Variants in KIF11 observed in about 807,000 individuals in gnomAD.
KIF11 encodes kinesin family member 11, also known as kinesin-like protein KIF11.
In KIF11, 9 loss-of-function variants were observed where a neutral mutation model predicts 121.0. The ratio of observed to expected loss-of-function variants is 0.07; its 90% CI spans 0.04 to 0.13. The LOEUF (loss-of-function observed/expected upper bound fraction) is 0.13, where lower values mean the gene tolerates loss of function less well. Ranked by LOEUF, KIF11 falls within the 10% of genes least tolerant of loss-of-function variation. The pLI, the probability that KIF11 is intolerant of heterozygous loss-of-function variation, is 1.00. For missense variants in KIF11, 846 were observed against 1,217.5 expected, an observed-to-expected ratio of 0.69 and a Z score of 4.54; for synonymous variants, 408 against 421.0, an observed-to-expected ratio of 0.97 and a Z score of 0.38.
intron 9 of KIF11, among the ~76,000 whole-genome samples, chr10:92,617,590 A>G (rs1844570970): frequency 6.6e-6 from 1 of 152,142 alleles, no homozygotes; most frequent in Non-Finnish European, 1.5e-5. Flanking sequence ...AAACTTTTCC[A>G]TGTAGCTGTA....
intron 16 of KIF11, among the ~76,000 whole-genome samples, chr10:92,638,234 C>A (rs1351605431): frequency 6.6e-6 from 1 of 152,084 alleles, no homozygotes; most frequent in Non-Finnish European, 1.5e-5. Context: ...TTGAGCAATT[C>A]ACTGTGTTTA....
chr10:92,609,102 A>G lies in KIF11; in HGVS notation c.470A>G (p.Lys157Arg), dbSNP rs746284906. 3.1e-6 allele frequency: 5 copies of G among 1,607,178 alleles called. No homozygotes were observed. In the South Asian group the frequency reaches 5.5e-5, roughly 18 times the overall value. ...GATAATGGTACTGAATTTTCAGTCA[A>G]AGTGTCTCTGTTGGAGATCTATAAT... The part of the protein sequence containing the change: ...LTDNGTEFSV[K>R]VSLLEIYNEE... Residue 157 changes from lysine (K) to arginine (R), a missense_variant, in exon 5 of 22, where the codon AAA becomes AGA. Physicochemically the swap from Lys to Arg is conservative, Grantham distance 26 (BLOSUM62 2). Transcript: ENST00000260731.
intron 21 of KIF11, among the ~76,000 whole-genome samples, chr10:92,653,370 A>C (rs1845008779): frequency 6.6e-6 from 1 of 152,238 alleles, no homozygotes; most frequent in Non-Finnish European, 1.5e-5. Flanking sequence ...CTGTGGCAGC[A>C]GAATCACTCC....
chr10:92,597,051 G>T (rs1844304628), intron 1 of KIF11: 2 of 386,674 alleles, frequency 5.2e-6, no homozygotes, highest in South Asian at 4.6e-5. Context: ...AAAGTTTCCA[G>T]TATCTGAGAA....
chr10:92,650,352 T>A, intron 20 of KIF11, 49 bp from the exon 21 acceptor site: 2 of 1,052,452 alleles, frequency 1.9e-6, no homozygotes, highest in Non-Finnish European at 3.0e-6. Context: ...ACTCTTGTGA[T>A]GACTTTTAAG....
chr10:92,599,629 G>A (rs550036730), intron 1 of KIF11, among the ~76,000 whole-genome samples: 1 of 147,682 alleles, frequency 6.8e-6, no homozygotes, highest in Non-Finnish European at 1.5e-5. Context: ...GTTTTTTTTT[G>A]TGTGTGTGTA....
In KIF11 at chr10:92,651,523, T is replaced by A. The variant is rs1186625070; in HGVS notation, c.3039+1006T>A. Among the ~76,000 whole-genome samples, 147 of 76,776 alleles carry A rather than the reference T, an allele frequency of 1.9e-3. 9 individuals are homozygous for A. Among genetic ancestry groups the A allele is most frequent in the African/African-American group, 3.4e-3 (36 of 10,590 alleles). The allele number at this position is 76,776 out of a possible 152,430, so 50.4% of individuals were successfully genotyped here. A position where few individuals can be genotyped will look rare whatever the true frequency, so the allele number is the denominator to read the frequency against. ...GCTAATTTTGTTTTTTTTTTTTTTT[T>A]TTTTTTTTTTTTTTTTTTTTTTTTT... is the stretch of plus-strand genomic sequence containing the variant. On this transcript the variant is annotated intron_variant, in intron 21 of 21. Transcript: ENST00000260731.
At chr10:92,634,975 T>C (rs573947109) in intron 14 of KIF11, among the ~76,000 whole-genome samples, 16 of 152,352 alleles carry the variant, frequency 1.1e-4, no homozygotes, top group African/African-American at 3.8e-4. Context: ...ATAAATCTTT[T>C]CTCCAGAGTT....
intron 19 of KIF11, among the ~76,000 whole-genome samples, chr10:92,649,428 T>G (rs536633832): frequency 6.6e-6 from 1 of 152,202 alleles, no homozygotes; most frequent in Non-Finnish European, 1.5e-5. Context: ...AGTATATGTA[T>G]ATAACTAGTT....
chr10:92,613,087 C>T lies in KIF11; in HGVS notation c.746C>T (p.Thr249Met), dbSNP rs374727361. Residue 249 changes from threonine to methionine, a missense_variant, in exon 7 of 22, where the codon ACG (threonine) becomes ATG (methionine). Physicochemically the swap from Thr to Met is moderately conservative, Grantham distance 81. Around this residue, in one of 5 missense-constraint regions of KIF11, gnomAD observed 116 missense variants for 285.3 expected, o/e 0.41. Coordinates refer to ENST00000260731, the MANE Select transcript of KIF11 (RefSeq NM_004523.4). This position sits in a 1 kb window ranked among gnomAD's most constrained non-coding sequence, Gnocchi z 4.2. ...FSVTIHMKET[T>M]IDGEELVKIG... ...GTTACAATACATATGAAAGAAACTA[C>T]GATTGATGGAGAAGAGCTTGTTAAA... 8.7e-6 allele frequency: 14 copies of T among 1,612,044 alleles called. No homozygotes were observed. In the African/African-American group the frequency reaches 1.2e-4, roughly 14 times the overall value.
In KIF11 at chr10:92,593,324, C is replaced by G. The variant is rs1387204536; in HGVS notation, c.-52C>G. 1 of 1,559,738 alleles carries G rather than the reference C, an allele frequency of 6.4e-7. No homozygotes were observed. Among genetic ancestry groups the G allele is most frequent in the Non-Finnish European group, 8.7e-7 (1 of 1,149,948 alleles). Reference sequence around the variant, plus strand: ...TGTCGGCCGCCAAGCCCCTCCGCCCCTCACAGCGCCCAGGTCCGCGGCCGG... The same window carrying G: ...TGTCGGCCGCCAAGCCCCTCCGCCCGTCACAGCGCCCAGGTCCGCGGCCGG... On this transcript the variant is annotated 5_prime_UTR_variant, in exon 1 of 22. Coordinates refer to ENST00000260731, the MANE Select transcript of KIF11 (RefSeq NM_004523.4).
intron 18 of KIF11, among the ~76,000 whole-genome samples, chr10:92,647,681 C>T (rs1844934671): frequency 6.6e-6 from 1 of 152,106 alleles, no homozygotes; most frequent in Admixed American, 6.6e-5. Context: ...TCAAAATAAT[C>T]CTGGGTTTAT....
chr10:92,649,161 T>C (rs959854244), intron 19 of KIF11, among the ~76,000 whole-genome samples: 1 of 151,852 alleles, frequency 6.6e-6, no homozygotes, highest in East Asian at 1.9e-4. Flanking sequence ...TAAAAGGGGA[T>C]GGTGCTACAT....
At chr10:92,637,592 A>T (rs777656219) in intron 16 of KIF11, 47 bp downstream of exon 16, 9 of 1,522,560 alleles carry the variant, frequency 5.9e-6, no homozygotes, top group Non-Finnish European at 8.0e-6. Context: ...GAGTTTTAGG[A>T]TGATTTGATA....
intron 17 of KIF11, among the ~76,000 whole-genome samples, chr10:92,640,838 C>G (rs1288191162): frequency 3.9e-5 from 6 of 152,028 alleles, no homozygotes; most frequent in Admixed American, 3.9e-4. Flanking sequence ...CCTCTGCCTC[C>G]TGAGTTCAAG....
chr10:92,652,529 T>C (rs1048570723), intron 21 of KIF11, among the ~76,000 whole-genome samples: 7 of 152,210 alleles, frequency 4.6e-5, no homozygotes, highest in African/African-American at 1.7e-4. Context: ...AAGTTCCAAC[T>C]CAGATTCTCA....
intron 10 of KIF11, among the ~76,000 whole-genome samples, chr10:92,622,570 G>A (rs1409358475): frequency 6.6e-6 from 1 of 151,980 alleles, no homozygotes; most frequent in Non-Finnish European, 1.5e-5. Context: ...AGCTGAGATA[G>A]CAGCATTGCA....
At chr10:92,612,095 A>G (rs1844503515) in intron 6 of KIF11, among the ~76,000 whole-genome samples, 1 of 151,016 alleles carries the variant, frequency 6.6e-6, no homozygotes, top group South Asian at 2.1e-4. Flanking sequence ...AAAGCACAGT[A>G]TTTGTTTTGT....
intron 6 of KIF11, among the ~76,000 whole-genome samples, chr10:92,610,487 A>G (rs943978256): frequency 3.9e-5 from 6 of 152,248 alleles, no homozygotes; most frequent in Non-Finnish European, 8.8e-5. Flanking sequence ...AGACCCGTAC[A>G]GGACAAATTC....
Sources: allele counts gnomAD v4.1 joint callset (sites outside exome capture counted in the v4.1 genomes callset), GRCh38; gene constraint gnomAD v4.1.1; regional missense constraint gnomAD v4.1.1; non-coding constraint Gnocchi (gnomAD v3.1); transcripts MANE v1.5; gene names NCBI Gene and HGNC (gene_info 2026-07-23, HGNC 2026-07-21).